The following ARHGAP31 variants were observed in gnomAD, a reference collection of about 807,000 sequenced individuals.
ARHGAP31 encodes Rho GTPase activating protein 31.
In ARHGAP31, 34 loss-of-function variants were observed where a neutral mutation model predicts 113.9. The ratio of observed to expected loss-of-function variants is 0.30; its 90% confidence interval spans 0.23 to 0.40. The LOEUF (loss-of-function observed/expected upper bound fraction) is 0.40, where lower values mean the gene tolerates loss of function less well. Ranked by LOEUF, ARHGAP31 falls within the 10% of genes least tolerant of loss-of-function variation. ARHGAP31 has a pLI of 1.00. For missense variants in ARHGAP31, 1,548 were observed against 1,767.1 expected, an observed-to-expected ratio of 0.88 and a Z score of 2.22; for synonymous variants, 650 against 684.8, an observed-to-expected ratio of 0.95 and a Z score of 0.79.
intron 1 of ARHGAP31, among the ~76,000 whole-genome samples, chr3:119,353,619 A>G (rs145928875): frequency 3.9e-5 from 6 of 152,170 alleles, no homozygotes; most frequent in African/African-American, 4.8e-5. Flanking sequence ...CCTGGCCAAG[A>G]TGGTGAAACC....
intron 1 of ARHGAP31, among the ~76,000 whole-genome samples, chr3:119,354,514 T>C (rs562842262): frequency 7.9e-5 from 12 of 151,006 alleles, no homozygotes; most frequent in Admixed American, 5.9e-4. Flanking sequence ...GTGGTTTTTA[T>C]GTGTGTGTGT....
In ARHGAP31 at chr3:119,409,731, GGA is replaced by G. The variant is rs1157507900; in HGVS notation, c.1885_1886del (p.Ser629ProfsTer12). The G allele has an allele frequency of 6.2e-7, 1 of 1,609,180 alleles. No individual in the cohort carries two copies. Among genetic ancestry groups the G allele is most frequent in the South Asian group, 1.1e-5 (1 of 90,170 alleles). ...AGEMESSTLQ[E>X]SPRARAEAVL... ...GTGAGATGGAGTCCAGCACCCTGCA[GGA>G]GAGCCCCAGGGCCAGAGCCGAAGCT... On this transcript the variant is annotated frameshift_variant, in exon 11 of 12. Transcript: ENST00000264245. LOFTEE classifies it low-confidence loss of function (END_TRUNC).
At chr3:119,314,072 T>C (rs2079707597) in intron 1 of ARHGAP31, among the ~76,000 whole-genome samples, 1 of 152,192 alleles carries the variant, frequency 6.6e-6, no homozygotes, top group African/African-American at 2.4e-5. Flanking sequence ...GCAGCCTCAA[T>C]GGACACATCT....
chr3:119,345,509 A>G (rs34764911), intron 1 of ARHGAP31, among the ~76,000 whole-genome samples: 16,398 of 152,032 alleles, frequency 0.11, 909 homozygotes, highest in African/African-American at 0.13. Context: ...TTAATCAGGA[A>G]CAGTAAGAGA....
In ARHGAP31 at chr3:119,417,032, T is replaced by C. The variant is rs965022386; in HGVS notation, c.*768T>C. On this transcript the variant is annotated 3_prime_UTR_variant, in exon 12 of 12. Transcript: ENST00000264245. ...ACTGTACTGGACTGTAATTTATAAA[T>C]CCAGTAGCTACGCAGGGTGGAGGCT... is the stretch of plus-strand genomic sequence containing the variant. The C allele has an allele frequency of 6.6e-6, 1 of 152,554 alleles. No homozygotes were observed. Among genetic ancestry groups the C allele is most frequent in the Non-Finnish European group, 1.5e-5 (1 of 68,330 alleles). 9.5% of individuals were successfully genotyped at this position (152,554 alleles called of 1,614,324 possible).
intron 3 of ARHGAP31, among the ~76,000 whole-genome samples, chr3:119,376,409 A>G (rs2107628319): frequency 6.6e-6 from 1 of 152,184 alleles, no homozygotes; most frequent in East Asian, 1.9e-4. Context: ...GAATTGCTTG[A>G]ACCTGGAAGG....
At chr3:119,405,833 T>C (rs1323888673) in intron 10 of ARHGAP31, among the ~76,000 whole-genome samples, 2 of 152,210 alleles carry the variant, frequency 1.3e-5, no homozygotes, top group African/African-American at 4.8e-5. Context: ...CAAAAATTTG[T>C]TGAAGATTTT....
chr3:119,299,188 C>T (rs1232829243), intron 1 of ARHGAP31, among the ~76,000 whole-genome samples: 2 of 152,182 alleles, frequency 1.3e-5, no homozygotes, highest in Non-Finnish European at 2.9e-5. Context: ...GTTGCTCAGA[C>T]CCCTCTAAGA....
chr3:119,302,790 G>C (rs2079596006), intron 1 of ARHGAP31, among the ~76,000 whole-genome samples: 1 of 152,164 alleles, frequency 6.6e-6, no homozygotes, highest in Non-Finnish European at 1.5e-5. Flanking sequence ...TCATAATTTG[G>C]CATTAACAGT....
chr3:119,402,525 A>G, intron 10 of ARHGAP31, 128 bp downstream of exon 10: 1 of 984,992 alleles, frequency 1.0e-6, no homozygotes, highest in Non-Finnish European at 1.6e-6. Context: ...TTGGGTACAA[A>G]TCCACGCTCT....
At chr3:119,330,687 C>A (rs1166668688) in intron 1 of ARHGAP31, among the ~76,000 whole-genome samples, 2 of 152,208 alleles carry the variant, frequency 1.3e-5, no homozygotes, top group African/African-American at 4.8e-5. Context: ...GAGATTGTCT[C>A]CAAGTGACTG....
At position 119,383,176 on chromosome 3, in the gene ARHGAP31, A is replaced by G. The variant is rs759160533; in HGVS notation, c.632A>G (p.His211Arg). 3 of 1,614,190 alleles carry G rather than the reference A, an allele frequency of 1.9e-6. No homozygotes were observed. Among genetic ancestry groups the G allele is most frequent in the East Asian group, 2.2e-5 (1 of 44,890 alleles). ...GTGGTGATTGAGTTCATATTGAATC[A>G]TGTAGATCAAATCTTTAACAACGGT... ...QQVVIEFILN[H>R]VDQIFNNGAP... Residue 211 changes from histidine to arginine, a missense_variant, in exon 6 of 12, where the codon CAT (histidine) becomes CGT (arginine). Coordinates refer to ENST00000264245, the MANE Select transcript of ARHGAP31 (RefSeq NM_020754.4).
At chr3:119,367,255 G>A (rs912474535) in intron 2 of ARHGAP31, among the ~76,000 whole-genome samples, 5 of 152,300 alleles carry the variant, frequency 3.3e-5, no homozygotes, top group Admixed American at 3.3e-4. Flanking sequence ...GGTTCTGAGA[G>A]TACTGTTGAC....
chr3:119,381,944 C>T (rs539459730), intron 4 of ARHGAP31, among the ~76,000 whole-genome samples: 1 of 150,200 alleles, frequency 6.7e-6, no homozygotes, highest in African/African-American at 2.5e-5. Context: ...TGAGATCGCG[C>T]CACTGCACTC....
At chr3:119,356,586 G>T (rs2080159197) in intron 1 of ARHGAP31, among the ~76,000 whole-genome samples, 2 of 151,458 alleles carry the variant, frequency 1.3e-5, no homozygotes, top group Non-Finnish European at 2.9e-5. Flanking sequence ...AGCTGAGATT[G>T]TGCTACTGCA....
In ARHGAP31 at chr3:119,391,000, TA is replaced by T. The variant is rs1236963525; in HGVS notation, c.881+23del. On this transcript the variant is annotated intron_variant, in intron 7 of 11. Coordinates refer to ENST00000264245, the MANE Select transcript of ARHGAP31 (RefSeq NM_020754.4). ...AGACAACAAGTAAGTGGCACTCTTT[TA>T]AAAAATTCTAGGAGATGTGTGGTTG... 1.9e-6 allele frequency: 3 copies of T among 1,612,402 alleles called. No individual in the cohort carries two copies. In the African/African-American group the frequency reaches 4.0e-5, roughly 22 times the overall value.
chr3:119,405,965 T>C (rs2080657344), intron 10 of ARHGAP31, among the ~76,000 whole-genome samples: 1 of 152,168 alleles, frequency 6.6e-6, no homozygotes, highest in African/African-American at 2.4e-5. Flanking sequence ...ATAATAACAC[T>C]GAGTGCTAAG....
intron 1 of ARHGAP31, among the ~76,000 whole-genome samples, chr3:119,297,513 G>GAC (rs10643089): frequency 0.72 from 108,878 of 151,992 alleles, 40,468 homozygotes; most frequent in African/African-American, 0.93. Flanking sequence ...CCTGCATTGA[G>GAC]AGGAAAGATA....
chr3:119,303,499 A>C (rs1352756571), intron 1 of ARHGAP31, among the ~76,000 whole-genome samples: 1 of 152,164 alleles, frequency 6.6e-6, no homozygotes, highest in African/African-American at 2.4e-5. Context: ...GTTCTCGTTT[A>C]AGCTTGGTTG....
Sources: gnomAD v4.1 joint callset for allele counts (sites outside exome capture counted in the v4.1 genomes callset) on GRCh38, gnomAD v4.1.1 for gene constraint, MANE v1.5 for transcripts, NCBI Gene and HGNC (gene_info 2026-07-23, HGNC 2026-07-21) for gene names.